Variants in PDE4B observed in about 807,000 individuals in gnomAD.
PDE4B encodes phosphodiesterase 4B.
A neutral mutation model predicts 82.2 loss-of-function variants in PDE4B; 20 were observed. The observed-to-expected ratio is 0.24, with a 90% confidence interval of 0.17 to 0.35. PDE4B has a LOEUF of 0.35. Among genes scored for constraint, PDE4B ranks in the 10% least tolerant of loss-of-function variants. The pLI is 1.00. For synonymous variants in PDE4B, 320 were observed against 318.9 expected, an observed-to-expected ratio of 1.00 and a Z score of -0.04; for missense variants, 655 against 907.2, an observed-to-expected ratio of 0.72 and a Z score of 3.57.
intron 3 of PDE4B, among the ~76,000 whole-genome samples, chr1:65,920,963 T>C (rs1457718178): frequency 3.1e-5 from 4 of 129,704 alleles, no homozygotes; most frequent in African/African-American, 8.7e-5. Flanking sequence ...GCATTTCTTT[T>C]TTTTTTTTTT....
intron 3 of PDE4B, among the ~76,000 whole-genome samples, chr1:65,994,134 T>C (rs1426142925): frequency 2.0e-5 from 3 of 152,170 alleles, no homozygotes; most frequent in Admixed American, 6.6e-5. Flanking sequence ...TGTGACTACA[T>C]GCTGGGTTGC....
chr1:65,886,277 A>C (rs1416171180), intron 1 of PDE4B, among the ~76,000 whole-genome samples: 1 of 152,062 alleles, frequency 6.6e-6, no homozygotes, highest in East Asian at 1.9e-4. Context: ...GTATGTATTT[A>C]TGGGGTACAT....
At chr1:66,157,934 T>C (rs1289365656) in intron 3 of PDE4B, among the ~76,000 whole-genome samples, 3 of 152,170 alleles carry the variant, frequency 2.0e-5, no homozygotes, top group East Asian at 3.8e-4. Context: ...TGAGGAAGTA[T>C]TTTGAGAACA....
chr1:65,995,466 T>G (rs1651489499), intron 3 of PDE4B, among the ~76,000 whole-genome samples: 1 of 152,184 alleles, frequency 6.6e-6, no homozygotes, highest in Non-Finnish European at 1.5e-5. Flanking sequence ...CTTCATGCTT[T>G]CCCCTTGCTT....
intron 3 of PDE4B, among the ~76,000 whole-genome samples, chr1:66,088,872 G>A (rs1384009556): frequency 2.0e-5 from 3 of 152,064 alleles, no homozygotes; most frequent in African/African-American, 7.2e-5. Context: ...TTAAGAGTTA[G>A]TTTGTGATTC....
chr1:66,195,130 G>A (rs150747984), intron 3 of PDE4B, among the ~76,000 whole-genome samples: 17 of 152,262 alleles, frequency 1.1e-4, no homozygotes, highest in African/African-American at 4.1e-4. Context: ...GCCATTTGGA[G>A]TTTAATGCTT....
chr1:65,931,462 C>T (rs1284799320), intron 3 of PDE4B, among the ~76,000 whole-genome samples: 1 of 152,142 alleles, frequency 6.6e-6, no homozygotes, highest in African/African-American at 2.4e-5. Context: ...AACACCTCTC[C>T]TTGAAGGAAA....
chr1:66,024,320 T>A (rs1653314877), intron 3 of PDE4B, among the ~76,000 whole-genome samples: 1 of 152,110 alleles, frequency 6.6e-6, no homozygotes, highest in Admixed American at 6.6e-5. Context: ...GAGTTGGAAG[T>A]GCTTCAGAGA....
At chr1:66,047,067 G>A (rs1213434407) in intron 3 of PDE4B, among the ~76,000 whole-genome samples, 1 of 151,780 alleles carries the variant, frequency 6.6e-6, no homozygotes, top group African/African-American at 2.4e-5. Flanking sequence ...ATTAATTCCT[G>A]TGATTTCCTT....
chr1:66,029,148 G>T (rs1653619209), intron 3 of PDE4B, among the ~76,000 whole-genome samples: 1 of 152,206 alleles, frequency 6.6e-6, no homozygotes, highest in Non-Finnish European at 1.5e-5. Flanking sequence ...CAGAATCATG[G>T]TGGGAGGTGA....
At chr1:65,983,297 C>CA (rs1306576291) in intron 3 of PDE4B, among the ~76,000 whole-genome samples, 1 of 152,104 alleles carries the variant, frequency 6.6e-6, no homozygotes, top group Non-Finnish European at 1.5e-5. Flanking sequence ...ATTTGAGGCT[C>CA]AGAGTTGATG....
intron 3 of PDE4B, among the ~76,000 whole-genome samples, chr1:66,241,507 C>CT (rs1299918372): frequency 2.6e-5 from 4 of 151,320 alleles, no homozygotes; most frequent in East Asian, 1.9e-4. Flanking sequence ...ATTTCTTTTT[C>CT]TTTTTTTTTC....
intron 3 of PDE4B, among the ~76,000 whole-genome samples, chr1:66,198,586 C>T (rs1440165290): frequency 5.9e-5 from 9 of 151,840 alleles, no homozygotes; most frequent in African/African-American, 1.9e-4. Flanking sequence ...CCTCTCTGCA[C>T]TTCTCCTGTG....
chr1:66,308,806 A>G (rs1253065680), intron 7 of PDE4B, among the ~76,000 whole-genome samples: 1 of 152,174 alleles, frequency 6.6e-6, no homozygotes, highest in Non-Finnish European at 1.5e-5. Flanking sequence ...ATGCATTTTT[A>G]TTGGATAGAA....
rs544864904 is a variant in PDE4B, at chr1:66,261,994, C to T, written c.585-4044C>T. On this transcript the variant is annotated intron_variant, in intron 6 of 16. Transcript: ENST00000341517. ...GAGCAAATAGGTGTCATTTATCAAT[C>T]GACTCTGTCATCAACATCATGAATG... Among the ~76,000 whole-genome samples the T allele has an allele frequency of 5.9e-5, 9 of 152,290 alleles. No homozygotes were observed. The South Asian group carries it at 6.2e-4, about 11-fold the overall frequency.
At chr1:66,118,095 T>A (rs1482074404) in intron 3 of PDE4B, among the ~76,000 whole-genome samples, 1 of 152,220 alleles carries the variant, frequency 6.6e-6, no homozygotes, top group African/African-American at 2.4e-5. Context: ...GTCTTTTGGC[T>A]GCATAAATGT....
intron 6 of PDE4B, among the ~76,000 whole-genome samples, chr1:66,265,467 A>G (rs1654962724): frequency 1.3e-5 from 2 of 152,196 alleles, no homozygotes; most frequent in Admixed American, 6.5e-5. Context: ...CAGGCTTGTT[A>G]TGATGTAGAA....
At chr1:66,075,223 T>C (rs1656356918) in intron 3 of PDE4B, among the ~76,000 whole-genome samples, 1 of 152,012 alleles carries the variant, frequency 6.6e-6, no homozygotes, top group East Asian at 2.0e-4. Context: ...AATTATTTCC[T>C]GGGCAAAGCC....
At chr1:66,360,470 C>T (rs547650521) in intron 9 of PDE4B, 25 of 152,306 alleles carry the variant, frequency 1.6e-4, no homozygotes, top group Non-Finnish European at 3.2e-4. Flanking sequence ...CCCAGAATGC[C>T]ATCTGGGAGC....
Sources: allele counts gnomAD v4.1 joint callset (sites outside exome capture counted in the v4.1 genomes callset), GRCh38; gene constraint gnomAD v4.1.1; transcripts MANE v1.5; gene names NCBI Gene and HGNC (gene_info 2026-07-23, HGNC 2026-07-21).